ACSF3: variants seen among roughly 807,000 people sequenced by gnomAD.
ACSF3 encodes the protein acyl-CoA synthetase family member 3, also known as malonate--CoA ligase ACSF3, mitochondrial.
A neutral mutation model predicts 53.2 loss-of-function variants in ACSF3; 78 were observed. The observed-to-expected ratio is 1.47, with a 90% confidence interval of 1.22 to 1.77. The LOEUF (loss-of-function observed/expected upper bound fraction) is 1.77. Ranked by LOEUF, ACSF3 falls within the 40% of genes most tolerant of loss-of-function variation. The pLI, the probability that ACSF3 is intolerant of heterozygous loss-of-function variation, is 0.00. For missense variants in ACSF3, 937 were observed against 771.1 expected (o/e 1.22, Z -2.55); for synonymous variants, 414 against 333.1 (o/e 1.24, Z -2.65).
intron 3 of ACSF3, among the ~76,000 whole-genome samples, chr16:89,102,078 T>A (rs954948377): frequency 6.6e-6 from 1 of 152,224 alleles, no homozygotes; most frequent in African/African-American, 2.4e-5. Flanking sequence ...CTCCGTGAGA[T>A]TGGACAGAGG....
chr16:89,107,454 A>G (rs1251937904), intron 4 of ACSF3, among the ~76,000 whole-genome samples: 1 of 152,044 alleles, frequency 6.6e-6, no homozygotes, highest in Non-Finnish European at 1.5e-5. Context: ...CCTCGGCACC[A>G]TCCTGCTACA....
chr16:89,118,037 C>G (rs865845012), intron 6 of ACSF3, among the ~76,000 whole-genome samples: 1 of 151,874 alleles, frequency 6.6e-6, no homozygotes, highest in South Asian at 2.1e-4. Flanking sequence ...GACGTTCCCT[C>G]TTCTCTAAGG....
In ACSF3 at chr16:89,100,776, T is replaced by C; in HGVS notation, c.95T>C (p.Leu32Pro). Residue 32 changes from leucine to proline, a missense_variant, in exon 3 of 11, where the codon CTG becomes CCG. Transcript: ENST00000614302. ...GCGAGACACAGAGGAAGTGGTCTTC[T>C]GCACACAGCCCCAGTGGCCCGCTCG... is the stretch of plus-strand genomic sequence containing the variant. ...APARHRGSGL[L>P]HTAPVARSDR... 6.2e-7 allele frequency: 1 copy of C among 1,610,718 alleles called. No homozygotes were observed. The highest frequency in any genetic ancestry group is 2.2e-5 in the East Asian group (1 of 44,868).
chr16:89,113,565 G>C (rs577051963), intron 5 of ACSF3: 8 of 153,868 alleles, frequency 5.2e-5, no homozygotes, highest in African/African-American at 1.7e-4. Context: ...TGGGGTGACA[G>C]AGGCAATGAG....
chr16:89,150,861 T>C, intron 10 of ACSF3: 1 of 661,846 alleles, frequency 1.5e-6, no homozygotes, highest in Non-Finnish European at 2.2e-6. Flanking sequence ...ACTGCAGTGC[T>C]TGTCCATTCA....
At chr16:89,143,000 C>G (rs1442047663) in intron 8 of ACSF3, among the ~76,000 whole-genome samples, 1 of 152,052 alleles carries the variant, frequency 6.6e-6, no homozygotes, top group African/African-American at 2.4e-5. Context: ...GCGTGACTCA[C>G]CATGTCATGA....
At chr16:89,126,765 T>G (rs1908195397) in intron 7 of ACSF3, among the ~76,000 whole-genome samples, 1 of 152,244 alleles carries the variant, frequency 6.6e-6, no homozygotes, top group Non-Finnish European at 1.5e-5. Context: ...ACAGTTTTAT[T>G]TCTTCCTTTC....
chr16:89,150,916 T>G (rs1294068981), intron 10 of ACSF3: 1 of 1,127,322 alleles, frequency 8.9e-7, no homozygotes, highest in Non-Finnish European at 1.2e-6. Context: ...AGGAAGTAAG[T>G]TAGAGGATTA....
Position 89,112,752 on chromosome 16 carries a change from G to C in ACSF3, c.977+506G>C, listed in dbSNP as rs557647278. 4.2e-3 allele frequency among the ~76,000 whole-genome samples: 644 copies of C among 152,190 alleles called. 3 individuals carry two copies. The highest frequency in any genetic ancestry group is 0.01 in the Middle Eastern group (3 of 294). On this transcript the variant is annotated intron_variant, in intron 5 of 10. Transcript: ENST00000614302. Reference sequence around the variant, plus strand: ...CTCCTGTCCGTCTCTCTCTCTCTCTGTCATGGCGTCTGAAGGACAAGGGTG... The same window carrying C: ...CTCCTGTCCGTCTCTCTCTCTCTCTCTCATGGCGTCTGAAGGACAAGGGTG...
chr16:89,137,914 G>A (rs765103547), intron 8 of ACSF3, among the ~76,000 whole-genome samples: 10 of 152,204 alleles, frequency 6.6e-5, no homozygotes, highest in Non-Finnish European at 1.3e-4. Context: ...GCAAGAGTCC[G>A]CTGCTTCCAG....
At chr16:89,095,887 G>A (rs1165605212) in intron 1 of ACSF3, among the ~76,000 whole-genome samples, 1 of 152,232 alleles carries the variant, frequency 6.6e-6, no homozygotes, top group African/African-American at 2.4e-5. Context: ...GAGGACAAAG[G>A]CAGCAGCCGT....
At position 89,098,691 on chromosome 16, in the gene ACSF3, T is replaced by G. The variant is rs980898782; in HGVS notation, c.-93T>G. On this transcript the variant is annotated 5_prime_UTR_variant, in exon 2 of 11. It removes the in-frame stop codon of an upstream open reading frame in the 5' UTR. Transcript: ENST00000614302. ...CACCTTATCGTGCCCTTCCACCTGC[T>G]GAAGCAGCTGTGCCTGCCGCTCTTG... 2.2e-6 allele frequency: 1 copy of G among 454,128 alleles called. No homozygotes were observed. Among genetic ancestry groups the G allele is most frequent in the Non-Finnish European group, 4.4e-6 (1 of 226,794 alleles). The allele number at this position is 454,128 out of a possible 1,614,324, so 28.1% of individuals were successfully genotyped here.
intron 1 of ACSF3, among the ~76,000 whole-genome samples, chr16:89,096,162 T>C (rs1199004876): frequency 6.6e-6 from 1 of 152,008 alleles, no homozygotes; most frequent in Non-Finnish European, 1.5e-5. Flanking sequence ...CTGACTAGAG[T>C]CCTTGCCCAG....
chr16:89,097,522 G>C (rs1473481754), intron 1 of ACSF3, among the ~76,000 whole-genome samples: 1 of 152,236 alleles, frequency 6.6e-6, no homozygotes, highest in African/African-American at 2.4e-5. Flanking sequence ...GGTTTTCTGT[G>C]TGTGGATTCT....
intron 6 of ACSF3, chr16:89,115,064 C>T (rs1399723031): frequency 4.5e-6 from 1 of 220,938 alleles, no homozygotes; most frequent in South Asian, 6.5e-5. Context: ...TCCGCTGGGA[C>T]TTCTGGGAAC....
In ACSF3 at chr16:89,155,838, T is replaced by A. The variant is rs1319973121; in HGVS notation, c.*1631T>A. On this transcript the variant is annotated 3_prime_UTR_variant, in exon 11 of 11. Transcript: ENST00000614302. ...AAAGCTTACATAATCATTTGCTTTA[T>A]CCGATAGTATACATCAGTATATCAT... 6.6e-6 allele frequency: 3 copies of A among 451,760 alleles called. No individual in the cohort carries two copies. Among genetic ancestry groups the A allele is most frequent in the Non-Finnish European group, 1.3e-5 (3 of 225,702 alleles). 28.0% of individuals were successfully genotyped at this position (451,760 alleles called of 1,614,324 possible).
intron 4 of ACSF3, among the ~76,000 whole-genome samples, chr16:89,105,263 C>T (rs1044531343): frequency 3.9e-5 from 6 of 152,212 alleles, no homozygotes; most frequent in Admixed American, 2.0e-4. Flanking sequence ...CGTGGTCCAT[C>T]CCGGAGACAT....
intron 6 of ACSF3, among the ~76,000 whole-genome samples, chr16:89,119,151 A>G (rs757457996): frequency 6.6e-6 from 1 of 152,070 alleles, no homozygotes; most frequent in African/African-American, 2.4e-5. Context: ...CTCATGGACA[A>G]TACCACTGCT....
chr16:89,095,978 G>A (rs1199142069), intron 1 of ACSF3, among the ~76,000 whole-genome samples: 1 of 152,192 alleles, frequency 6.6e-6, no homozygotes, highest in Non-Finnish European at 1.5e-5. Flanking sequence ...CCGCTGCGCT[G>A]CATGTGTGTT....
Sources: allele counts gnomAD v4.1 joint callset (sites outside exome capture counted in the v4.1 genomes callset), GRCh38; gene constraint gnomAD v4.1.1; transcripts MANE v1.5; gene names NCBI Gene and HGNC (gene_info 2026-07-23, HGNC 2026-07-21).